TEKT4: variants seen among roughly 807,000 people sequenced by gnomAD.
TEKT4 encodes tektin 4.
Under a neutral mutation model 46.0 loss-of-function variants are expected in TEKT4, and 46 were observed. The ratio of observed to expected loss-of-function variants is 1.00; its 90% CI spans 0.79 to 1.28. TEKT4 has a LOEUF of 1.28. Ranked by LOEUF, TEKT4 falls within the 50% of genes most tolerant of loss-of-function variation. TEKT4 has a pLI of 0.00. For missense variants in TEKT4, 790 were observed against 622.9 expected, an observed-to-expected ratio of 1.27 and a Z score of -2.85; for synonymous variants, 325 against 265.8, an observed-to-expected ratio of 1.22 and a Z score of -2.17.
Position 94,874,265 on chromosome 2 carries a change from A to C in TEKT4, c.713+157A>C, listed in dbSNP as rs191727713. Among the ~76,000 whole-genome samples, 481 of 152,320 alleles carry C rather than the reference A, an allele frequency of 3.2e-3. 1 individual carries two copies. Among genetic ancestry groups the C allele is most frequent in the African/African-American group, 0.011 (462 of 41,576 alleles). ...CTGCCCCTGGCATGAGCAAGCGACC[A>C]AGACCTCCTCAAATGTCCAGCGCGT... is the stretch of plus-strand genomic sequence containing the variant. On this transcript the variant is annotated intron_variant, in intron 3 of 5. Transcript: ENST00000295201.
intron 1 of TEKT4, 57 bp downstream of exon 1, chr2:94,872,134 C>T: frequency 2.0e-6 from 3 of 1,475,768 alleles, no homozygotes; most frequent in Non-Finnish European, 1.8e-6. Context: ...GAGCCCCCCC[C>T]CCCGCAGTTC....
chr2:94,873,699 C>A, intron 2 of TEKT4, 109 bp downstream of exon 2: 1 of 1,474,512 alleles, frequency 6.8e-7, no homozygotes, highest in Non-Finnish European at 9.2e-7. Flanking sequence ...AGGGGCTGCC[C>A]CAGGTCACAG....
intron 3 of TEKT4, 131 bp from the exon 4 acceptor site, chr2:94,874,645 C>A (rs1553395741): frequency 8.5e-6 from 7 of 824,268 alleles, no homozygotes; most frequent in African/African-American, 1.7e-5. Flanking sequence ...TGTGGGGCAG[C>A]ATGGGGTGCA....
In TEKT4 at chr2:94,874,076, G is replaced by C. The variant is rs528064370; in HGVS notation, c.681G>C (p.Gln227His). 1.2e-6 allele frequency: 2 copies of C among 1,613,472 alleles called. No homozygotes were observed. The highest frequency in any genetic ancestry group is 1.7e-6 in the Non-Finnish European group (2 of 1,179,904). ...ACCACAGCCAGAGCACCGAGGTGCA[G>C]GCTCATCCGTACTCCACCACCTTCC... ...GRHHSQSTEV[Q>H]AHPYSTTFQE... is the part of the protein sequence containing the mutation. Residue 227 changes from glutamine to histidine, a missense_variant, in exon 3 of 6, where the codon CAG becomes CAC. Gln to His is a conservative substitution (Grantham distance 24). Transcript: ENST00000295201.
rs112344899 is a variant in TEKT4 at position 94,875,625 on chromosome 2, C to T, written c.974C>T (p.Ala325Val). ...REITDQEHNVAALKQAIKDKE... is the reference protein window; with the variant it reads ...REITDQEHNVVALKQAIKDKE... ...ATCACAGATCAGGAACACAACGTGG[C>T]GGCACTGAAGCAGGCCATCAAGGAC... The change falls in exon 5 of 6, where the codon GCG (alanine) becomes GTG (valine). Residue 325 changes from alanine to valine, a missense_variant. By Grantham distance (64) the Ala-to-Val change is moderately conservative. Coordinates refer to ENST00000295201, the MANE Select transcript of TEKT4 (RefSeq NM_144705.4). The T allele has an allele frequency of 3.7e-5, 59 of 1,614,156 alleles. No homozygotes were observed. Among genetic ancestry groups the T allele is most frequent in the South Asian group, 2.9e-4 (26 of 91,080 alleles).
chr2:94,875,287 G>A (rs1180464215), intron 4 of TEKT4, among the ~76,000 whole-genome samples: 12 of 152,162 alleles, frequency 7.9e-5, no homozygotes, highest in Admixed American at 5.9e-4. Context: ...TCTGAATCTA[G>A]GGTCTCAGCG....
chr2:94,871,722 G>A lies in TEKT4; in HGVS notation c.143G>A (p.Cys48Tyr), dbSNP rs781948971. 1.6e-5 allele frequency: 25 copies of A among 1,612,468 alleles called. No homozygotes were observed. The highest frequency in any genetic ancestry group is 2.0e-5 in the Non-Finnish European group (24 of 1,179,930). Residue 48 changes from cysteine (C) to tyrosine (Y), a missense_variant, in exon 1 of 6, where the codon TGC becomes TAC. Coordinates refer to ENST00000295201, the MANE Select transcript of TEKT4 (RefSeq NM_144705.4). Reference sequence around the variant, plus strand: ...CTGCTGGAGGAGTGGTTCCAGAACTGCTATGCTCGCTACCACCAGGCCTTC... The same window carrying A: ...CTGCTGGAGGAGTGGTTCCAGAACTACTATGCTCGCTACCACCAGGCCTTC... ...KYLLEEWFQN[C>Y]YARYHQAFAD... is the part of the protein sequence containing the mutation.
chr2:94,874,190 C>T (rs1680717465), intron 3 of TEKT4, 82 bp downstream of exon 3: 1 of 1,518,066 alleles, frequency 6.6e-7, no homozygotes, highest in African/African-American at 1.4e-5. Context: ...GCGCTGCTTT[C>T]ACCAGCCTGG....
Position 94,871,521 on chromosome 2 carries a change from C to A in TEKT4, c.-59C>A, listed in dbSNP as rs1230350247. 6.7e-7 allele frequency: 1 copy of A among 1,496,790 alleles called. No individual in the cohort carries two copies. The highest frequency in any genetic ancestry group is 1.4e-5 in the African/African-American group (1 of 72,122). 92.7% of individuals were successfully genotyped at this position (1,496,790 alleles called of 1,614,324 possible). A position where few individuals can be genotyped will look rare whatever the true frequency, so the allele number is the denominator to read the frequency against. On this transcript the variant is annotated 5_prime_UTR_variant, in exon 1 of 6. Coordinates refer to ENST00000295201, the MANE Select transcript of TEKT4 (RefSeq NM_144705.4). ...GCCCCGCTGACCGCACTAGGCTGAC[C>A]GCAACCGGCTGACCACACACAGTCC...
intron 3 of TEKT4, among the ~76,000 whole-genome samples, 167 bp from the exon 4 acceptor site, chr2:94,874,609 G>A (rs1290084142): frequency 6.6e-6 from 1 of 151,998 alleles, no homozygotes; most frequent in African/African-American, 2.4e-5. Context: ...GGCACTCGGG[G>A]GCAGGGAGCC....
At chr2:94,873,048 A>C in intron 1 of TEKT4, 1 of 1,282,766 alleles carries the variant, frequency 7.8e-7, no homozygotes, top group Non-Finnish European at 1.0e-6. Flanking sequence ...ACAGCAAATT[A>C]AACTGGCCAG....
Position 94,872,134 on chromosome 2 carries a change from C to CG in TEKT4, c.498+57_498+58insG, listed in dbSNP as rs1680604156. 4.2e-5 allele frequency: 62 copies of CG among 1,475,770 alleles called. 1 individual carries two copies. The South Asian group carries it at 6.9e-4, about 16-fold the overall frequency. The allele number at this position is 1,475,770 out of a possible 1,614,324, so 91.4% of individuals were successfully genotyped here. ...GGGCGCAGAGAGGAGGAGCCCCCCC[C>CG]CCCGCAGTTCATGTGGACAAGCCAC... On this transcript the variant is annotated intron_variant, in intron 1 of 5. Transcript: ENST00000295201.
Position 94,871,726 on chromosome 2 carries a change from T to TG in TEKT4, c.148dup (p.Ala50GlyfsTer59). On this transcript the variant is annotated frameshift_variant, in exon 1 of 6. Transcript: ENST00000295201. LOFTEE classifies it high-confidence loss of function. ...TGGAGGAGTGGTTCCAGAACTGCTA[T>TG]GCTCGCTACCACCAGGCCTTCGCCG... The TG allele has an allele frequency of 6.2e-7, 1 of 1,612,620 alleles. No individual in the cohort carries two copies. The highest frequency in any genetic ancestry group is 1.1e-5 in the South Asian group (1 of 91,084).
intron 3 of TEKT4, 141 bp downstream of exon 3, chr2:94,874,249 G>A (rs572838421): frequency 8.7e-4 from 764 of 878,000 alleles, no homozygotes; most frequent in Non-Finnish European, 1.2e-3. Flanking sequence ...TCTGCCCCTG[G>A]CATGAGCAAG....
chr2:94,875,149 T>C, intron 4 of TEKT4, 151 bp downstream of exon 4: 1 of 871,276 alleles, frequency 1.1e-6, no homozygotes, highest in Non-Finnish European at 1.7e-6. Flanking sequence ...ACACTGGGTA[T>C]GATCGACCGG....
chr2:94,876,490 AC>A, intron 5 of TEKT4, 62 bp from the exon 6 acceptor site: 9 of 1,467,572 alleles, frequency 6.1e-6, no homozygotes, highest in South Asian at 1.2e-5. Flanking sequence ...GGTCCCCTAC[AC>A]CCCGGTAGGT....
chr2:94,874,169 G>C, intron 3 of TEKT4, 61 bp downstream of exon 3: 1 of 1,573,056 alleles, frequency 6.4e-7, no homozygotes. Context: ...CTCTGCCTGG[G>C]GGCCCCAGCG....
intron 1 of TEKT4, chr2:94,873,032 C>CT: frequency 7.8e-7 from 1 of 1,286,278 alleles, no homozygotes; most frequent in Non-Finnish European, 1.0e-6. Context: ...AGGCTTGTTC[C>CT]TACACACAGC....
At chr2:94,873,858 C>A in intron 2 of TEKT4, 107 bp from the exon 3 acceptor site, 2 of 1,491,694 alleles carry the variant, frequency 1.3e-6, no homozygotes, top group East Asian at 2.4e-5. Flanking sequence ...CAGGCCCACC[C>A]AGAACTCCCT....
Sources: gnomAD v4.1 joint callset for allele counts (sites outside exome capture counted in the v4.1 genomes callset) on GRCh38, gnomAD v4.1.1 for gene constraint, MANE v1.5 for transcripts, NCBI Gene and HGNC (gene_info 2026-07-23, HGNC 2026-07-21) for gene names.